The following SLC22A24 variants were observed in gnomAD, a reference collection of about 807,000 sequenced individuals.
SLC22A24 encodes the protein solute carrier family 22 member 24.
In SLC22A24, 53 loss-of-function variants were observed where a neutral mutation model predicts 49.8. The ratio of observed to expected loss-of-function variants is 1.06; its 90% CI spans 0.85 to 1.34. The LOEUF is 1.34. Ranked by LOEUF, SLC22A24 falls within the 40% of genes most tolerant of loss-of-function variation. The pLI is 0.00. For synonymous variants in SLC22A24, 302 were observed against 256.4 expected (o/e 1.18, Z -1.70); for missense variants, 786 against 675.9 (o/e 1.16, Z -1.81).
intron 2 of SLC22A24, among the ~76,000 whole-genome samples, chr11:63,123,324 A>T (rs1158298728): frequency 1.3e-5 from 2 of 152,206 alleles, no homozygotes; most frequent in South Asian, 4.1e-4. Flanking sequence ...AGTCACAGTG[A>T]TGTAAAATGG....
intron 6 of SLC22A24, among the ~76,000 whole-genome samples, chr11:63,094,867 G>A (rs939643824): frequency 6.6e-6 from 1 of 152,160 alleles, no homozygotes; most frequent in Non-Finnish European, 1.5e-5. Flanking sequence ...GTTCTTTGTA[G>A]ATTCTGGATA....
At position 63,120,594 on chromosome 11, in the gene SLC22A24, A is replaced by G. The variant is rs188196768; in HGVS notation, c.507-1259T>C. ...AAAGAAGGGGAAGATAAACAAATAG[A>G]AAAGAGCAGTATGTGTGTCACAGAC... On this transcript the variant is annotated intron_variant, in intron 2 of 9. Coordinates refer to ENST00000612278, the MANE Select transcript of SLC22A24 (RefSeq NM_001136506.2). Among the ~76,000 whole-genome samples, 42 of 152,224 alleles carry G rather than the reference A, an allele frequency of 2.8e-4. No individual in the cohort carries two copies. In the East Asian group the frequency reaches 8.1e-3, roughly 29 times the overall value.
intron 2 of SLC22A24, among the ~76,000 whole-genome samples, chr11:63,127,668 A>G (rs2087301268): frequency 6.6e-6 from 1 of 152,132 alleles, no homozygotes; most frequent in Non-Finnish European, 1.5e-5. Context: ...AATCACTGCC[A>G]TTCTAGCTGG....
At chr11:63,111,376 G>A (rs550229047) in intron 4 of SLC22A24, among the ~76,000 whole-genome samples, 3 of 151,768 alleles carry the variant, frequency 2.0e-5, no homozygotes, top group South Asian at 2.1e-4. Flanking sequence ...AATGAGTTAG[G>A]GAGGATTCCT....
At chr11:63,106,184 T>C (rs190029627) in intron 4 of SLC22A24, among the ~76,000 whole-genome samples, 106 of 151,316 alleles carry the variant, frequency 7.0e-4, no homozygotes, top group Non-Finnish European at 2.8e-4. Flanking sequence ...ATGCGGTGTT[T>C]GGTTTTTTTG....
At chr11:63,140,067 G>GT (rs1380222699) in intron 1 of SLC22A24, among the ~76,000 whole-genome samples, 25 of 112,198 alleles carry the variant, frequency 2.2e-4, no homozygotes, top group South Asian at 1.7e-3. Flanking sequence ...CAGTTTTTTT[G>GT]TTTTTTTGTT....
At position 63,083,382 on chromosome 11, in the gene SLC22A24, C is replaced by T. The variant is rs1209658269; in HGVS notation, c.1146G>A (p.Gln382=). ...TGAATGTGACAGCTCCACAGAGAAT[C>T]TGGAACAGGGAGACATTGCTCCCTA... ...QHLGSNVSLF[Q]ILCGAVTFTA... is the part of the protein sequence containing the mutation. Residue 382 remains glutamine, a synonymous_variant, in exon 7 of 10, where the codon CAG becomes CAA. Transcript: ENST00000612278. 27 of 1,551,848 alleles carry T rather than the reference C, an allele frequency of 1.7e-5. No individual in the cohort carries two copies. Among genetic ancestry groups the T allele is most frequent in the Non-Finnish European group, 2.4e-5 (27 of 1,147,018 alleles).
rs184401413 is a variant in SLC22A24, at chr11:63,112,247, G to T, written c.830+6665C>A. Among the ~76,000 whole-genome samples the T allele has an allele frequency of 5.7e-3, 873 of 152,244 alleles. 6 individuals are homozygous for T. Among genetic ancestry groups the T allele is most frequent in the Admixed American group, 8.9e-3 (136 of 15,290 alleles). ...TTATAATTTCTGTTCTTTTACATTTGCTGAGGAGAGCTTTACTTCCAACTA... is the reference window on the plus strand; with the variant it reads ...TTATAATTTCTGTTCTTTTACATTTTCTGAGGAGAGCTTTACTTCCAACTA... On this transcript the variant is annotated intron_variant, in intron 4 of 9. Coordinates refer to ENST00000612278, the MANE Select transcript of SLC22A24 (RefSeq NM_001136506.2).
At chr11:63,094,751 ATG>A (rs1565325457) in intron 6 of SLC22A24, among the ~76,000 whole-genome samples, 3 of 152,050 alleles carry the variant, frequency 2.0e-5, no homozygotes, top group African/African-American at 7.3e-5. Context: ...GCATTTTTTC[ATG>A]TGTCTTTTGG....
chr11:63,099,062 T>C (rs1291089271), intron 5 of SLC22A24, among the ~76,000 whole-genome samples: 8 of 152,060 alleles, frequency 5.3e-5, no homozygotes, highest in Admixed American at 3.3e-4. Context: ...GATTGAACCA[T>C]GAAGAAATTC....
intron 7 of SLC22A24, 144 bp from the exon 8 acceptor site, chr11:63,081,810 G>A: frequency 1.5e-6 from 1 of 649,308 alleles, no homozygotes; most frequent in African/African-American, 1.8e-5. Flanking sequence ...TTGGGGAATG[G>A]TTGCGAGGCT....
chr11:63,139,332 G>A (rs963198869), intron 1 of SLC22A24, among the ~76,000 whole-genome samples: 28 of 152,140 alleles, frequency 1.8e-4, no homozygotes, highest in African/African-American at 6.0e-4. Flanking sequence ...AATTAAAAGC[G>A]GATAGATCCC....
chr11:63,142,219 C>A (rs1033820005), intron 1 of SLC22A24, among the ~76,000 whole-genome samples: 2 of 152,166 alleles, frequency 1.3e-5, no homozygotes, highest in Non-Finnish European at 2.9e-5. Flanking sequence ...ACTCTTCTCA[C>A]CTTGGGGTTC....
rs1488854046 is a variant in SLC22A24 at position 63,119,210 on chromosome 11, AT to A, written c.631del (p.Met211Ter). 1 of 1,547,454 alleles carries A rather than the reference AT, an allele frequency of 6.5e-7. No individual in the cohort carries two copies. The highest frequency in any genetic ancestry group is 8.7e-7 in the Non-Finnish European group (1 of 1,145,826). On this transcript the variant is annotated frameshift_variant, in exon 3 of 10. Coordinates refer to ENST00000612278, the MANE Select transcript of SLC22A24 (RefSeq NM_001136506.2). LOFTEE classifies it high-confidence loss of function. ...AATAAAAGTGTTTCCCAAAATAGTC[AT>A]GGTGGAGAACCCTGCCAAGAAGCGC... is the stretch of plus-strand genomic sequence containing the variant. ...ILRFLAGFST[M>X]TILGNTFILS...
At chr11:63,136,698 C>A (rs1420938363) in intron 1 of SLC22A24, among the ~76,000 whole-genome samples, 1 of 152,190 alleles carries the variant, frequency 6.6e-6, no homozygotes, top group African/African-American at 2.4e-5. Flanking sequence ...GGTGTCTCAC[C>A]CTTGGGTGGT....
Position 63,143,979 on chromosome 11 carries a change from C to A in SLC22A24, c.-200G>T. The A allele has an allele frequency of 2.5e-6, 1 of 396,910 alleles. No individual in the cohort carries two copies. Among genetic ancestry groups the A allele is most frequent in the Non-Finnish European group, 4.4e-6 (1 of 227,922 alleles). The allele number at this position is 396,910 out of a possible 1,614,324, so 24.6% of individuals were successfully genotyped here. ...GAAGGACTTTCCCCAAGTCCTTTAA[C>A]TTTAGGCAGCCAAATAGTTTCAGAA... is the stretch of plus-strand genomic sequence containing the variant. On this transcript the variant is annotated 5_prime_UTR_variant, in exon 1 of 10. Coordinates refer to ENST00000612278, the MANE Select transcript of SLC22A24 (RefSeq NM_001136506.2).
intron 2 of SLC22A24, among the ~76,000 whole-genome samples, chr11:63,128,550 G>T (rs1467032954): frequency 6.6e-6 from 1 of 152,132 alleles, no homozygotes; most frequent in Non-Finnish European, 1.5e-5. Flanking sequence ...TCATGCTCCT[G>T]GTCCGCTTTC....
Position 63,125,009 on chromosome 11 carries a change from C to T in SLC22A24, c.507-5674G>A, listed in dbSNP as rs543923009. The stretch of plus-strand genomic sequence containing the variant: ...AGGAGATATACCTAATGCTAAATGA[C>T]GAGTTAATGGGTGCAGCACACCAGC... On this transcript the variant is annotated intron_variant, in intron 2 of 9. Coordinates refer to ENST00000612278, the MANE Select transcript of SLC22A24 (RefSeq NM_001136506.2). Among the ~76,000 whole-genome samples the T allele has an allele frequency of 5.1e-3, 772 of 151,582 alleles. 5 individuals carry two copies. Among genetic ancestry groups the T allele is most frequent in the African/African-American group, 0.014 (580 of 41,320 alleles).
chr11:63,097,028 A>G (rs2087058993), intron 5 of SLC22A24, among the ~76,000 whole-genome samples: 1 of 152,140 alleles, frequency 6.6e-6, no homozygotes, highest in Non-Finnish European at 1.5e-5. Flanking sequence ...CATTTCTTAC[A>G]TTTATGATTT....
Sources: allele counts gnomAD v4.1 joint callset (sites outside exome capture counted in the v4.1 genomes callset), GRCh38; gene constraint gnomAD v4.1.1; transcripts MANE v1.5; gene names NCBI Gene and HGNC (gene_info 2026-07-23, HGNC 2026-07-21).